PHKB: variants seen among roughly 807,000 people sequenced by gnomAD.
PHKB encodes the protein phosphorylase b kinase regulatory subunit beta.
PHKB carries 122 observed loss-of-function variants against 152.1 expected under a neutral mutation model. The observed-to-expected ratio is 0.80, with a 90% CI of 0.69 to 0.93. PHKB has a LOEUF of 0.93. PHKB is among the 40% of genes least tolerant of loss of function. PHKB has a pLI of 0.00. For synonymous variants in PHKB, 436 were observed against 464.9 expected (o/e 0.94, Z 0.80); for missense variants, 1,304 against 1,328.4 (o/e 0.98, Z 0.29).
chr16:47,467,537 A>G (rs1431110822), intron 1 of PHKB, among the ~76,000 whole-genome samples: 1 of 152,202 alleles, frequency 6.6e-6, no homozygotes, highest in Non-Finnish European at 1.5e-5. Flanking sequence ...CGCTTCATGT[A>G]GCATGGAATT....
At chr16:47,489,447 A>C (rs1328079561) in intron 1 of PHKB, among the ~76,000 whole-genome samples, 1 of 152,252 alleles carries the variant, frequency 6.6e-6, no homozygotes, top group Non-Finnish European at 1.5e-5. Flanking sequence ...TCTTATACTT[A>C]TCCTGACTAT....
At chr16:47,578,835 G>T (rs1971793230) in intron 7 of PHKB, among the ~76,000 whole-genome samples, 2 of 152,132 alleles carry the variant, frequency 1.3e-5, no homozygotes, top group Admixed American at 6.6e-5. Flanking sequence ...TGGAATGGAT[G>T]GGGGTAGGGT....
At chr16:47,665,876 G>C in intron 25 of PHKB, 3 of 1,078,184 alleles carry the variant, frequency 2.8e-6, no homozygotes, top group East Asian at 2.4e-5. Context: ...TACCCAATCA[G>C]GGCCCCATGC....
At chr16:47,697,568 T>A (rs1974169698) in intron 29 of PHKB, among the ~76,000 whole-genome samples, 1 of 152,210 alleles carries the variant, frequency 6.6e-6, no homozygotes, top group African/African-American at 2.4e-5. Context: ...CCCTAAGGTT[T>A]CCCACATTGT....
Position 47,699,384 on chromosome 16 carries a change from G to C in PHKB, c.*18G>C. 1 of 1,613,874 alleles carries C rather than the reference G, an allele frequency of 6.2e-7. No individual in the cohort carries two copies. The highest frequency in any genetic ancestry group is 8.5e-7 in the Non-Finnish European group (1 of 1,179,742). On this transcript the variant is annotated 3_prime_UTR_variant, in exon 31 of 31. Transcript: ENST00000323584. ...TTAGCTAGTGGGGAAGGTGTAGGAAGCTCTGTTGAGACACATGTTCTGAAG... is the reference window on the plus strand; with the variant it reads ...TTAGCTAGTGGGGAAGGTGTAGGAACCTCTGTTGAGACACATGTTCTGAAG...
At chr16:47,623,730 G>A (rs2151716335) in intron 14 of PHKB, among the ~76,000 whole-genome samples, 1 of 151,774 alleles carries the variant, frequency 6.6e-6, no homozygotes, top group Middle Eastern at 3.4e-3. Flanking sequence ...ATTTGTTTTT[G>A]TATTTTTAAT....
intron 7 of PHKB, among the ~76,000 whole-genome samples, chr16:47,573,936 T>C (rs1971706685): frequency 6.6e-6 from 1 of 152,158 alleles, no homozygotes; most frequent in Non-Finnish European, 1.5e-5. Context: ...TTTTTTCTTT[T>C]ATATGTGAAG....
At chr16:47,493,076 A>G (rs1034507794) in intron 1 of PHKB, among the ~76,000 whole-genome samples, 1 of 152,208 alleles carries the variant, frequency 6.6e-6, no homozygotes, top group African/African-American at 2.4e-5. Flanking sequence ...AGGGGAGATC[A>G]GGCTCCTCCC....
Position 47,587,652 on chromosome 16 carries a change from C to A in PHKB, c.775-16C>A, listed in dbSNP as rs766202931. ...TTTTCTTAATTTAGGAAATGTTTTT[C>A]TTTTTCTCTGTCCAGGGCTGTTCGT... On this transcript the variant is annotated splice_polypyrimidine_tract_variant and intron_variant, in intron 8 of 30. Coordinates refer to ENST00000323584, the MANE Select transcript of PHKB (RefSeq NM_000293.3). The A allele has an allele frequency of 1.3e-6, 2 of 1,597,382 alleles. No homozygotes were observed. The highest frequency in any genetic ancestry group is 2.7e-5 in the African/African-American group (2 of 74,446).
chr16:47,565,290 A>T, intron 7 of PHKB: 1 of 734,728 alleles, frequency 1.4e-6, no homozygotes, highest in South Asian at 1.4e-5. Flanking sequence ...CCATGGCTAG[A>T]GTTCCCAGTT....
At chr16:47,569,385 T>C (rs1971620553) in intron 7 of PHKB, among the ~76,000 whole-genome samples, 1 of 152,214 alleles carries the variant, frequency 6.6e-6, no homozygotes, top group Non-Finnish European at 1.5e-5. Flanking sequence ...TCCTTGACTC[T>C]ACAAGAATCT....
At chr16:47,554,687 A>T (rs1971336951) in intron 7 of PHKB, among the ~76,000 whole-genome samples, 1 of 152,160 alleles carries the variant, frequency 6.6e-6, no homozygotes, top group South Asian at 2.1e-4. Flanking sequence ...TGTTGCAAAG[A>T]CTATGGGAAA....
intron 14 of PHKB, among the ~76,000 whole-genome samples, chr16:47,616,140 G>T (rs1972509947): frequency 6.6e-6 from 1 of 151,754 alleles, no homozygotes; most frequent in Non-Finnish European, 1.5e-5. Flanking sequence ...GTTTCTTCTT[G>T]GTGTCATTTG....
chr16:47,588,969 T>G lies in PHKB; in HGVS notation c.935T>G (p.Leu312Arg), dbSNP rs1971982528. ...YPAFALDDEVLFSQTLDKVVR... is the reference protein window; with the variant it reads ...YPAFALDDEVRFSQTLDKVVR... ...GCATTTGCCCTGGATGATGAAGTTC[T>G]TTTTAGCCAGACACTTGATAAAGTG... The change falls in exon 10 of 31, where the codon CTT becomes CGT. Residue 312 changes from leucine to arginine, a missense_variant. By Grantham distance (102) the Leu-to-Arg change is moderately radical (BLOSUM62 -2). Coordinates refer to ENST00000323584, the MANE Select transcript of PHKB (RefSeq NM_000293.3). 6.2e-7 allele frequency: 1 copy of G among 1,613,820 alleles called. No individual in the cohort carries two copies. The highest frequency in any genetic ancestry group is 1.3e-5 in the African/African-American group (1 of 74,906).
chr16:47,638,012 C>T (rs2151724759), intron 14 of PHKB, among the ~76,000 whole-genome samples: 1 of 152,138 alleles, frequency 6.6e-6, no homozygotes, highest in East Asian at 1.9e-4. Flanking sequence ...GTTCCGCCCT[C>T]ATGACCTAAT....
At chr16:47,625,235 G>A (rs1972688628) in intron 14 of PHKB, among the ~76,000 whole-genome samples, 1 of 152,214 alleles carries the variant, frequency 6.6e-6, no homozygotes, top group South Asian at 2.1e-4. Flanking sequence ...CCACCATCAT[G>A]TGAGTTAATA....
At chr16:47,634,626 A>G (rs1055217475) in intron 14 of PHKB, among the ~76,000 whole-genome samples, 2 of 152,206 alleles carry the variant, frequency 1.3e-5, no homozygotes, top group Non-Finnish European at 2.9e-5. Flanking sequence ...GGCAGGGATG[A>G]TGGTTGAGAC....
chr16:47,617,993 G>C (rs1972549243), intron 14 of PHKB, among the ~76,000 whole-genome samples: 1 of 152,196 alleles, frequency 6.6e-6, no homozygotes, highest in Non-Finnish European at 1.5e-5. Context: ...CATGGGGCTG[G>C]CCACTGTGGC....
intron 1 of PHKB, among the ~76,000 whole-genome samples, chr16:47,493,255 A>G (rs1422782115): frequency 6.6e-6 from 1 of 152,194 alleles, no homozygotes; most frequent in African/African-American, 2.4e-5. Context: ...AGTTAGAATA[A>G]ACAGAAAGAG....
Sources: gnomAD v4.1 joint callset for allele counts (sites outside exome capture counted in the v4.1 genomes callset) on GRCh38, gnomAD v4.1.1 for gene constraint, MANE v1.5 for transcripts, NCBI Gene and HGNC (gene_info 2026-07-23, HGNC 2026-07-21) for gene names.